The following TRAPPC9 variants were observed in gnomAD, a reference collection of about 807,000 sequenced individuals.
The protein encoded by TRAPPC9 is trafficking protein particle complex subunit 9.
A neutral mutation model predicts 124.0 loss-of-function variants in TRAPPC9; 83 were observed. The ratio of observed to expected loss-of-function variants is 0.67; its 90% CI spans 0.56 to 0.80. TRAPPC9 has a LOEUF of 0.80. Among genes scored for constraint, TRAPPC9 ranks in the 30% least tolerant of loss-of-function variants. The probability of loss-of-function intolerance (pLI) is 0.00; values close to 1 mark genes in which losing one functional copy is unlikely to be tolerated. For missense variants in TRAPPC9, 1,302 were observed against 1,508.3 expected (o/e 0.86, Z 2.27); for synonymous variants, 638 against 617.5 (o/e 1.03, Z -0.49).
At chr8:140,291,503 C>T (rs144593495) in intron 11 of TRAPPC9, among the ~76,000 whole-genome samples, 2 of 152,226 alleles carry the variant, frequency 1.3e-5, no homozygotes, top group African/African-American at 4.8e-5. Flanking sequence ...TTCTCCTCCC[C>T]ACCCACTCCC....
intron 20 of TRAPPC9, among the ~76,000 whole-genome samples, chr8:139,893,933 G>T (rs1269809422): frequency 6.6e-6 from 1 of 152,230 alleles, no homozygotes; most frequent in East Asian, 1.9e-4. Flanking sequence ...ACTCCTCCCT[G>T]CCCACAGGGG....
chr8:139,786,021 A>G (rs1822212672), intron 21 of TRAPPC9, among the ~76,000 whole-genome samples: 1 of 152,054 alleles, frequency 6.6e-6, no homozygotes, highest in African/African-American at 2.4e-5. Flanking sequence ...AGCCTGGCCA[A>G]CATGGTGAAA....
chr8:139,744,025 A>G (rs544061843), intron 21 of TRAPPC9, among the ~76,000 whole-genome samples: 61 of 152,304 alleles, frequency 4.0e-4, no homozygotes, highest in Middle Eastern at 3.4e-3. Flanking sequence ...ACTCACAGGT[A>G]CACGCGAACG....
intron 17 of TRAPPC9, among the ~76,000 whole-genome samples, chr8:140,150,364 G>A (rs1193841289): frequency 7.2e-5 from 11 of 152,134 alleles, no homozygotes; most frequent in Admixed American, 6.5e-4. Context: ...CAGAAGAATC[G>A]CTTGAACCCA....
In TRAPPC9 at chr8:140,283,934, A is replaced by C; in HGVS notation, c.2069T>G (p.Val690Gly). 1 of 1,614,058 alleles carries C rather than the reference A, an allele frequency of 6.2e-7. No individual in the cohort carries two copies. Among genetic ancestry groups the C allele is most frequent in the Admixed American group, 1.7e-5 (1 of 60,006 alleles). The change falls in exon 14 of 23, where the codon GTC (valine) becomes GGC (glycine). Residue 690 changes from valine (V) to glycine (G), a missense_variant. Val to Gly is a moderately radical substitution (Grantham distance 109, BLOSUM62 -3). Around this residue, in one of 3 missense-constraint regions of TRAPPC9, gnomAD observed 640 missense variants for 679.3 expected, o/e 0.94. Coordinates refer to ENST00000438773, the MANE Select transcript of TRAPPC9 (RefSeq NM_001160372.4). ...CTGCAGTCTTGGCAACGCGGGAATG[A>C]CTTCCACTGTGGAGCCACTGGTTTT... is the stretch of plus-strand genomic sequence containing the variant. ...GIKTSGSTVEVIPALPRLQIS... is the reference protein window; with the variant it reads ...GIKTSGSTVEGIPALPRLQIS...
intron 19 of TRAPPC9, among the ~76,000 whole-genome samples, chr8:139,919,929 T>C (rs1422634677): frequency 1.3e-5 from 2 of 152,238 alleles, no homozygotes; most frequent in African/African-American, 4.8e-5. Flanking sequence ...TTCCGCCTAG[T>C]GCTGGAACCA....
intron 21 of TRAPPC9, among the ~76,000 whole-genome samples, chr8:139,807,619 G>A (rs1228116432): frequency 6.6e-6 from 1 of 152,196 alleles, no homozygotes; most frequent in African/African-American, 2.4e-5. Context: ...GGACGAAAGT[G>A]TGCGGAGATT....
At chr8:140,446,485 G>A (rs80258614) in intron 2 of TRAPPC9, among the ~76,000 whole-genome samples, 12,921 of 152,186 alleles carry the variant, frequency 0.085, 599 homozygotes, top group African/African-American at 0.11. Context: ...CTAGAAGGCC[G>A]TATTTCCCTG....
intron 17 of TRAPPC9, chr8:140,098,563 C>T (rs1414285903): frequency 6.6e-6 from 1 of 151,440 alleles, no homozygotes; most frequent in African/African-American, 2.4e-5. Context: ...TAATGACGCC[C>T]GCCCCCGCAG....
chr8:139,857,676 C>T (rs1004089445), intron 21 of TRAPPC9, among the ~76,000 whole-genome samples: 4 of 152,240 alleles, frequency 2.6e-5, no homozygotes, highest in Non-Finnish European at 2.9e-5. Context: ...ACCACCTCTG[C>T]CTCCTCCCTG....
chr8:140,096,575 T>C (rs1231549460), intron 17 of TRAPPC9: 1 of 152,108 alleles, frequency 6.6e-6, no homozygotes, highest in Non-Finnish European at 1.5e-5. Flanking sequence ...GGAATAGGTA[T>C]GAAGTTGAAC....
At chr8:139,835,561 G>C (rs1325635714) in intron 21 of TRAPPC9, among the ~76,000 whole-genome samples, 1 of 152,186 alleles carries the variant, frequency 6.6e-6, no homozygotes, top group Non-Finnish European at 1.5e-5. Flanking sequence ...TAATAAACCT[G>C]GGGACAGTGG....
intron 21 of TRAPPC9, among the ~76,000 whole-genome samples, chr8:139,743,315 T>G (rs992429294): frequency 6.6e-6 from 1 of 152,174 alleles, no homozygotes; most frequent in Admixed American, 6.5e-5. Flanking sequence ...ACAACTCTAC[T>G]CTCCAACCTT....
intron 10 of TRAPPC9, among the ~76,000 whole-genome samples, chr8:140,310,378 C>T (rs1176409931): frequency 6.6e-6 from 1 of 152,188 alleles, no homozygotes; most frequent in Non-Finnish European, 1.5e-5. Flanking sequence ...CTTCATCACA[C>T]TGAATCCTAA....
chr8:139,938,173 T>C (rs527978076), intron 19 of TRAPPC9, among the ~76,000 whole-genome samples: 1 of 152,372 alleles, frequency 6.6e-6, no homozygotes. Context: ...CATGGCTTCC[T>C]GGCAGGTCTT....
At chr8:140,307,415 C>T (rs1465367039) in intron 10 of TRAPPC9, among the ~76,000 whole-genome samples, 7 of 152,168 alleles carry the variant, frequency 4.6e-5, no homozygotes. Flanking sequence ...CTATCAGCTG[C>T]TATTACAAAA....
chr8:140,158,660 G>A (rs1021323736), intron 17 of TRAPPC9, among the ~76,000 whole-genome samples: 6 of 152,110 alleles, frequency 3.9e-5, no homozygotes, highest in African/African-American at 1.4e-4. Flanking sequence ...TAAAGTAAAC[G>A]ATATTTGATA....
At chr8:139,936,364 C>T (rs1833514845) in intron 19 of TRAPPC9, among the ~76,000 whole-genome samples, 1 of 152,258 alleles carries the variant, frequency 6.6e-6, no homozygotes, top group African/African-American at 2.4e-5. Context: ...CACAAGGCCA[C>T]ATGCTATGAA....
At chr8:139,960,184 C>T (rs558418665) in intron 19 of TRAPPC9, among the ~76,000 whole-genome samples, 8 of 152,346 alleles carry the variant, frequency 5.3e-5, no homozygotes, top group Admixed American at 3.9e-4. Context: ...CACCTGTGGT[C>T]GGCATACTTT....
Sources: allele counts gnomAD v4.1 joint callset (sites outside exome capture counted in the v4.1 genomes callset), GRCh38; gene constraint gnomAD v4.1.1; regional missense constraint gnomAD v4.1.1; transcripts MANE v1.5; gene names NCBI Gene and HGNC (gene_info 2026-07-23, HGNC 2026-07-21).